Variants in DTNBP1 observed in about 807,000 individuals in gnomAD.
DTNBP1 encodes the protein dystrobrevin binding protein 1.
A neutral mutation model predicts 42.8 loss-of-function variants in DTNBP1; 35 were observed. The ratio of observed to expected loss-of-function variants is 0.82; its 90% CI spans 0.63 to 1.09. The LOEUF (loss-of-function observed/expected upper bound fraction) is 1.09, where lower values mean the gene tolerates loss of function less well. Ranked by LOEUF, DTNBP1 falls within the 50% of genes least tolerant of loss-of-function variation. The pLI is 0.00. For missense variants in DTNBP1, 457 were observed against 424.2 expected, an observed-to-expected ratio of 1.08 and a Z score of -0.68; for synonymous variants, 171 against 162.2, an observed-to-expected ratio of 1.05 and a Z score of -0.41.
At chr6:15,548,438 G>GACACACACAGACAC (rs1554159368) in intron 7 of DTNBP1, 7 of 136,592 alleles carry the variant, frequency 5.1e-5, no homozygotes, top group African/African-American at 1.9e-4. Flanking sequence ...AACACACACA[G>GACACACACAGACAC]ACACACACAC....
At chr6:15,523,576 T>TTTTA in intron 9 of DTNBP1, 2 of 1,255,672 alleles carry the variant, frequency 1.6e-6, no homozygotes, top group Admixed American at 2.8e-5. Flanking sequence ...TTTTTTTTTT[T>TTTTA]ACCCTTTGCA....
At chr6:15,534,064 G>A (rs1469467965) in intron 7 of DTNBP1, among the ~76,000 whole-genome samples, 2 of 152,194 alleles carry the variant, frequency 1.3e-5, no homozygotes, top group Non-Finnish European at 2.9e-5. Flanking sequence ...CAAATGCTGT[G>A]TGCTTCCAGC....
chr6:15,536,524 G>A (rs1773238180), intron 7 of DTNBP1, among the ~76,000 whole-genome samples: 1 of 152,250 alleles, frequency 6.6e-6, no homozygotes, highest in Non-Finnish European at 1.5e-5. Flanking sequence ...CATGCTGTTA[G>A]GCCTGCGGGT....
intron 8 of DTNBP1, among the ~76,000 whole-genome samples, chr6:15,525,406 T>G (rs1772315797): frequency 6.6e-6 from 1 of 152,240 alleles, no homozygotes; most frequent in Admixed American, 6.5e-5. Context: ...AAATTATTTC[T>G]GGAAGGACTC....
intron 7 of DTNBP1, among the ~76,000 whole-genome samples, chr6:15,577,920 A>C (rs1162200649): frequency 6.6e-6 from 1 of 152,236 alleles, no homozygotes; most frequent in Non-Finnish European, 1.5e-5. Flanking sequence ...ATTGTAGCCA[A>C]CATAATTTGG....
chr6:15,652,028 C>A (rs564721354), intron 2 of DTNBP1, 59 bp downstream of exon 2: 75 of 1,459,162 alleles, frequency 5.1e-5, no homozygotes, highest in Non-Finnish European at 7.0e-5. Context: ...ATTGTGAATA[C>A]ACCAAAAGTT....
intron 6 of DTNBP1, among the ~76,000 whole-genome samples, chr6:15,614,539 G>A (rs981332320): frequency 2.6e-5 from 4 of 152,074 alleles, no homozygotes; most frequent in African/African-American, 7.2e-5. Flanking sequence ...GACTCCCCAC[G>A]GACTTCAGAA....
At position 15,522,933 on chromosome 6, in the gene DTNBP1, A is replaced by G; in HGVS notation, c.*42T>C. The G allele has an allele frequency of 6.2e-7, 1 of 1,614,222 alleles. No homozygotes were observed. Among genetic ancestry groups the G allele is most frequent in the Non-Finnish European group, 8.5e-7 (1 of 1,180,050 alleles). ...CCAGGTGGAATTCCGCATACAGCCAAAACTGGATTCCAGTGTGGCCAGACA... is the reference window on the plus strand; with the variant it reads ...CCAGGTGGAATTCCGCATACAGCCAGAACTGGATTCCAGTGTGGCCAGACA... On this transcript the variant is annotated 3_prime_UTR_variant, in exon 10 of 10. Coordinates refer to ENST00000344537, the MANE Select transcript of DTNBP1 (RefSeq NM_032122.5).
At chr6:15,622,750 A>G (rs1759110167) in intron 5 of DTNBP1, among the ~76,000 whole-genome samples, 1 of 152,256 alleles carries the variant, frequency 6.6e-6, no homozygotes, top group African/African-American at 2.4e-5. Context: ...CTGTGCAAAA[A>G]AGAGCTTCAC....
chr6:15,642,242 G>A (rs528917163), intron 3 of DTNBP1, among the ~76,000 whole-genome samples: 6 of 152,304 alleles, frequency 3.9e-5, no homozygotes, highest in Admixed American at 3.9e-4. Flanking sequence ...GCCCTCAGAG[G>A]AGTGTACCCG....
intron 7 of DTNBP1, among the ~76,000 whole-genome samples, chr6:15,551,549 C>T (rs1774211120): frequency 6.6e-6 from 1 of 152,144 alleles, no homozygotes; most frequent in African/African-American, 2.4e-5. Flanking sequence ...CTGCACTCAG[C>T]CAACTTCCAC....
chr6:15,558,273 CTTTT>C (rs58029295), intron 7 of DTNBP1, among the ~76,000 whole-genome samples: 5 of 136,492 alleles, frequency 3.7e-5, no homozygotes, highest in African/African-American at 1.1e-4. Context: ...GATGAGTACT[CTTTT>C]TTTTTTTTTT....
chr6:15,598,017 A>G (rs1776582398), intron 6 of DTNBP1, among the ~76,000 whole-genome samples: 1 of 152,244 alleles, frequency 6.6e-6, no homozygotes, highest in Non-Finnish European at 1.5e-5. Context: ...TTCAAAATTT[A>G]CTCAATTCAG....
At chr6:15,609,406 G>C (rs1037739374) in intron 6 of DTNBP1, among the ~76,000 whole-genome samples, 1 of 151,218 alleles carries the variant, frequency 6.6e-6, no homozygotes, top group Non-Finnish European at 1.5e-5. Flanking sequence ...TGCAACCTCC[G>C]CCTCCCGGGT....
At chr6:15,660,736 C>T (rs147404357) in intron 1 of DTNBP1, among the ~76,000 whole-genome samples, 3 of 152,294 alleles carry the variant, frequency 2.0e-5, no homozygotes, top group East Asian at 1.9e-4. Context: ...CCAGAGCCCA[C>T]TCCAGAATCT....
At chr6:15,529,204 G>C (rs1044389346) in intron 8 of DTNBP1, among the ~76,000 whole-genome samples, 8 of 152,286 alleles carry the variant, frequency 5.3e-5, no homozygotes, top group African/African-American at 1.9e-4. Flanking sequence ...AGAACCACTT[G>C]AACCCAGGAG....
In DTNBP1 at chr6:15,575,118, C is replaced by T. The variant is rs566979251; in HGVS notation, c.511+17941G>A. ...AATCCACTACAGGAAAGCCAAGCTG[C>T]GTGTGACTTTCATGAAAACCTTTTT... On this transcript the variant is annotated intron_variant, in intron 7 of 9. Transcript: ENST00000344537. Among the ~76,000 whole-genome samples the T allele has an allele frequency of 3.3e-5, 5 of 152,232 alleles. No homozygotes were observed. The South Asian group carries it at 8.3e-4, about 25-fold the overall frequency.
intron 3 of DTNBP1, among the ~76,000 whole-genome samples, chr6:15,642,571 G>A (rs776967401): frequency 1.3e-5 from 2 of 152,158 alleles, no homozygotes; most frequent in Non-Finnish European, 2.9e-5. Flanking sequence ...TTAGTGCTAG[G>A]CAGTCCACAA....
At chr6:15,623,303 A>T (rs1386493011) in intron 5 of DTNBP1, among the ~76,000 whole-genome samples, 2 of 152,230 alleles carry the variant, frequency 1.3e-5, no homozygotes, top group Non-Finnish European at 2.9e-5. Flanking sequence ...ATAATACTGT[A>T]TCAGGCTAGG....
Sources: gnomAD v4.1 joint callset for allele counts (sites outside exome capture counted in the v4.1 genomes callset) on GRCh38, gnomAD v4.1.1 for gene constraint, MANE v1.5 for transcripts, NCBI Gene and HGNC (gene_info 2026-07-23, HGNC 2026-07-21) for gene names.